The following NR2F1-AS1 variants were observed in gnomAD, a reference collection of about 807,000 sequenced individuals.
NR2F1-AS1 encodes the protein NR2F1 antisense RNA 1.
intron 4 of NR2F1-AS1, among the ~76,000 whole-genome samples, chr5:93,492,495 C>A (rs1750872324): frequency 6.6e-6 from 1 of 152,160 alleles, no homozygotes; most frequent in South Asian, 2.1e-4. Flanking sequence ...CATTCCTTCT[C>A]AAACTTTTCC....
rs180778782 is a variant in NR2F1-AS1, at chr5:93,466,307, A to C, written n.639-70765T>G. On this transcript the variant is annotated intron_variant and non_coding_transcript_variant, in intron 4 of 5. Coordinates refer to ENST00000660523, the Ensembl canonical transcript of NR2F1-AS1. Reference sequence around the variant, plus strand: ...TGCTTCCACTGCCATAATTTTTTTAATCACATACTGCCCTCAAAGAATTCT... The same window carrying C: ...TGCTTCCACTGCCATAATTTTTTTACTCACATACTGCCCTCAAAGAATTCT... 3.3e-5 allele frequency among the ~76,000 whole-genome samples: 5 copies of C among 150,054 alleles called. No homozygotes were observed. In the East Asian group the frequency reaches 9.8e-4, roughly 29 times the overall value.
chr5:93,555,236 T>G (rs1007531868), intron 2 of NR2F1-AS1, among the ~76,000 whole-genome samples: 24 of 152,092 alleles, frequency 1.6e-4, no homozygotes, highest in African/African-American at 5.6e-4. Context: ...AGTAAGAAAT[T>G]AAGGTTAAAA....
chr5:93,415,335 G>A (rs1363821405), intron 4 of NR2F1-AS1, among the ~76,000 whole-genome samples: 1 of 152,096 alleles, frequency 6.6e-6, no homozygotes, highest in Non-Finnish European at 1.5e-5. Flanking sequence ...CTGGTTTCTA[G>A]CACAGTACCT....
chr5:93,435,624 C>T (rs1032057172), intron 4 of NR2F1-AS1, among the ~76,000 whole-genome samples: 1 of 152,170 alleles, frequency 6.6e-6, no homozygotes, highest in African/African-American at 2.4e-5. Context: ...GGCTTGGCAC[C>T]CACCATACCC....
At chr5:93,575,639 C>T (rs1752878932) in intron 1 of NR2F1-AS1, among the ~76,000 whole-genome samples, 1 of 152,208 alleles carries the variant, frequency 6.6e-6, no homozygotes, top group Admixed American at 6.5e-5. Context: ...GAGAAATCCT[C>T]CTGTCACTGT....
chr5:93,451,308 A>G (rs1749824701), intron 4 of NR2F1-AS1, among the ~76,000 whole-genome samples: 1 of 142,442 alleles, frequency 7.0e-6, no homozygotes, highest in Admixed American at 7.0e-5. Flanking sequence ...CAGGTTTTAG[A>G]GTAGGGTTTT....
At chr5:93,571,496 G>A (rs1400269463) in intron 1 of NR2F1-AS1, among the ~76,000 whole-genome samples, 1 of 150,698 alleles carries the variant, frequency 6.6e-6, no homozygotes, top group African/African-American at 2.4e-5. Context: ...ACCACATGGA[G>A]ACTGACACAC....
intron 4 of NR2F1-AS1, among the ~76,000 whole-genome samples, chr5:93,545,962 G>T (rs936769403): frequency 6.6e-6 from 1 of 152,192 alleles, no homozygotes; most frequent in African/African-American, 2.4e-5. Context: ...GCCTTGCTAA[G>T]AAGTTTTATA....
chr5:93,435,113 C>T (rs1398127184), intron 4 of NR2F1-AS1, among the ~76,000 whole-genome samples: 4 of 152,170 alleles, frequency 2.6e-5, no homozygotes, highest in African/African-American at 7.2e-5. Flanking sequence ...TTCTCATTCA[C>T]TGGTTTAGCA....
chr5:93,568,403 G>C (rs1414880113), intron 1 of NR2F1-AS1, among the ~76,000 whole-genome samples: 2 of 152,114 alleles, frequency 1.3e-5, no homozygotes, highest in African/African-American at 4.8e-5. Flanking sequence ...TCTTACTAGA[G>C]TAATGCATTC....
intron 4 of NR2F1-AS1, among the ~76,000 whole-genome samples, chr5:93,429,932 A>G (rs1749275536): frequency 6.6e-6 from 1 of 152,208 alleles, no homozygotes; most frequent in African/African-American, 2.4e-5. Context: ...ACAATGATGA[A>G]TATAAGTACA....
intron 4 of NR2F1-AS1, among the ~76,000 whole-genome samples, chr5:93,423,783 G>A (rs1054538187): frequency 1.3e-5 from 2 of 152,050 alleles, no homozygotes; most frequent in Admixed American, 6.5e-5. Context: ...GTCAGCATTG[G>A]TTAAATAATA....
chr5:93,517,051 T>A (rs1421586104), intron 4 of NR2F1-AS1, among the ~76,000 whole-genome samples: 1 of 152,000 alleles, frequency 6.6e-6, no homozygotes, highest in Non-Finnish European at 1.5e-5. Flanking sequence ...AATCTCTCAC[T>A]GATAAAATGC....
chr5:93,535,960 G>A (rs965086347), intron 4 of NR2F1-AS1, among the ~76,000 whole-genome samples: 12 of 152,100 alleles, frequency 7.9e-5, no homozygotes, highest in African/African-American at 2.9e-4. Flanking sequence ...AGAGCAATTA[G>A]ACAAGAGAAA....
At chr5:93,489,343 A>T (rs1349148260) in intron 4 of NR2F1-AS1, among the ~76,000 whole-genome samples, 1 of 152,052 alleles carries the variant, frequency 6.6e-6, no homozygotes. Context: ...CTCCACCGGC[A>T]AAAAGACTAC....
At chr5:93,504,375 AAT>A (rs1206073775) in intron 4 of NR2F1-AS1, among the ~76,000 whole-genome samples, 8 of 152,224 alleles carry the variant, frequency 5.3e-5, no homozygotes, top group African/African-American at 1.9e-4. Flanking sequence ...AGCAGTCAAA[AAT>A]ATGATGAAAA....
At chr5:93,501,381 T>C (rs1007254700) in intron 4 of NR2F1-AS1, among the ~76,000 whole-genome samples, 1 of 149,242 alleles carries the variant, frequency 6.7e-6, no homozygotes, top group Non-Finnish European at 1.5e-5. Flanking sequence ...TGAGACAGGT[T>C]CTTGCTCTTT....
chr5:93,428,703 G>A (rs1749246143), intron 4 of NR2F1-AS1, among the ~76,000 whole-genome samples: 2 of 152,118 alleles, frequency 1.3e-5, no homozygotes, highest in South Asian at 4.1e-4. Context: ...AGAAAAATCA[G>A]GAAATGCTTG....
chr5:93,501,356 ATT>A (rs70975858), intron 4 of NR2F1-AS1, among the ~76,000 whole-genome samples: 4 of 137,208 alleles, frequency 2.9e-5, no homozygotes, highest in African/African-American at 5.4e-5. Flanking sequence ...GTTTGGGGGA[ATT>A]TTTTTTTTTT....
Sources: allele counts gnomAD v4.1 joint callset (sites outside exome capture counted in the v4.1 genomes callset), GRCh38; gene constraint gnomAD v4.1.1; transcripts MANE v1.5; gene names NCBI Gene and HGNC (gene_info 2026-07-23, HGNC 2026-07-21).